Variants in C12orf42 observed in about 807,000 individuals in gnomAD.
The protein encoded by C12orf42 is uncharacterized protein C12orf42.
A neutral mutation model predicts 21.6 loss-of-function variants in C12orf42; 25 were observed. The observed-to-expected ratio is 1.16, with a 90% CI of 0.84 to 1.62. The LOEUF (loss-of-function observed/expected upper bound fraction) is 1.62, where lower values mean the gene tolerates loss of function less well. Among genes scored for constraint, C12orf42 ranks in the 40% most tolerant of loss-of-function variants. The pLI is 0.00. For synonymous variants in C12orf42, 174 were observed against 175.0 expected (o/e 0.99, Z 0.05); for missense variants, 483 against 459.3 (o/e 1.05, Z -0.47).
chr12:103,267,609 A>G (rs2035233927), downstream of C12orf42: 1 of 152,186 alleles, frequency 6.6e-6, no homozygotes, highest in East Asian at 1.9e-4. Context: ...TGTAACTTAC[A>G]AAACACTTCA....
At chr12:103,441,299 T>C (rs1467264387) in intron 2 of C12orf42, among the ~76,000 whole-genome samples, 2 of 152,206 alleles carry the variant, frequency 1.3e-5, no homozygotes, top group African/African-American at 4.8e-5. Flanking sequence ...GTAATACTAA[T>C]ACAAGTTCAA....
chr12:103,229,726 G>A, the C12orf42 span, among the ~76,000 whole-genome samples: 1 of 152,170 alleles, frequency 6.6e-6, no homozygotes, highest in Non-Finnish European at 1.5e-5. Flanking sequence ...TATGTAAATT[G>A]AATAATTCTA....
intron 1 of C12orf42, among the ~76,000 whole-genome samples, chr12:103,482,407 A>G (rs1954535527): frequency 6.6e-6 from 1 of 152,122 alleles, no homozygotes; most frequent in Admixed American, 6.5e-5. Flanking sequence ...TCTGTTGTAA[A>G]GATCGTAGTC....
intron 4 of C12orf42, among the ~76,000 whole-genome samples, chr12:103,341,112 C>CAA (rs34154888): frequency 0.032 from 1,482 of 46,160 alleles, 120 homozygotes; most frequent in African/African-American, 0.099. Context: ...GACTCTGTCT[C>CAA]AAAAAAAAAA....
chr12:103,382,499 C>A, intron 3 of C12orf42, among the ~76,000 whole-genome samples: 1 of 152,168 alleles, frequency 6.6e-6, no homozygotes, highest in African/African-American at 2.4e-5. Context: ...CTGGCCTTAG[C>A]CCATATGCTT....
At chr12:103,151,274 C>T in the C12orf42 span, among the ~76,000 whole-genome samples, 1 of 152,082 alleles carries the variant, frequency 6.6e-6, no homozygotes, top group South Asian at 2.1e-4. Flanking sequence ...ACCCAGATGG[C>T]TTCACCAATG....
At chr12:103,274,334 T>C (rs184390513) in intron 5 of C12orf42, among the ~76,000 whole-genome samples, 133 of 152,296 alleles carry the variant, frequency 8.7e-4, no homozygotes, top group Non-Finnish European at 6.9e-4. Flanking sequence ...CCAGATGAGA[T>C]GGTTAACTGT....
At chr12:103,171,002 T>C in the C12orf42 span, among the ~76,000 whole-genome samples, 1 of 152,138 alleles carries the variant, frequency 6.6e-6, no homozygotes, top group South Asian at 2.1e-4. Flanking sequence ...ATGTTATACT[T>C]GCTTTTTATG....
chr12:103,375,008 C>T (rs746241998), intron 3 of C12orf42, among the ~76,000 whole-genome samples: 1 of 152,120 alleles, frequency 6.6e-6, no homozygotes, highest in Non-Finnish European at 1.5e-5. Flanking sequence ...AACTTACAAC[C>T]CTTACAACTA....
the C12orf42 span, among the ~76,000 whole-genome samples, chr12:103,184,742 T>G: frequency 3.3e-5 from 4 of 120,808 alleles, no homozygotes; most frequent in Admixed American, 1.0e-4. Context: ...TATGTTAAAG[T>G]TCTCACCCCC....
At chr12:103,529,231 C>T in the C12orf42 span, among the ~76,000 whole-genome samples, 2 of 152,146 alleles carry the variant, frequency 1.3e-5, no homozygotes, top group African/African-American at 4.8e-5. Context: ...CCTTTGTGTT[C>T]ACTTATTTTA....
intron 2 of C12orf42, among the ~76,000 whole-genome samples, chr12:103,448,265 C>T (rs1435882963): frequency 6.6e-6 from 1 of 151,840 alleles, no homozygotes; most frequent in Non-Finnish European, 1.5e-5. Context: ...ACTGGATCCC[C>T]ACCTCTTACC....
the C12orf42 span, among the ~76,000 whole-genome samples, chr12:103,187,314 T>TA: frequency 7.9e-5 from 12 of 151,660 alleles, no homozygotes; most frequent in East Asian, 3.9e-4. Context: ...CCTTACAGAA[T>TA]AAAAAAAAAC....
At chr12:103,144,838 G>T in the C12orf42 span, among the ~76,000 whole-genome samples, 2 of 152,268 alleles carry the variant, frequency 1.3e-5, no homozygotes, top group African/African-American at 4.8e-5. Flanking sequence ...TGCTTGGGAT[G>T]ACTAGGCTTA....
the C12orf42 span, among the ~76,000 whole-genome samples, chr12:103,180,753 C>T: frequency 2.0e-5 from 3 of 149,924 alleles, no homozygotes; most frequent in South Asian, 2.1e-4. Flanking sequence ...CTCAGTCTCC[C>T]GAGTAGCTGG....
At chr12:103,112,922 C>A in the C12orf42 span, among the ~76,000 whole-genome samples, 2 of 152,184 alleles carry the variant, frequency 1.3e-5, no homozygotes, top group Non-Finnish European at 1.5e-5. Context: ...CTAATCACCT[C>A]ACCGTTTACT....
At chr12:103,345,948 C>A (rs2042585764) in intron 4 of C12orf42, among the ~76,000 whole-genome samples, 1 of 152,104 alleles carries the variant, frequency 6.6e-6, no homozygotes, top group Non-Finnish European at 1.5e-5. Context: ...ATGATAAGTG[C>A]ACAGTTATAA....
intron 2 of C12orf42, among the ~76,000 whole-genome samples, chr12:103,411,915 A>C (rs555755583): frequency 6.6e-6 from 1 of 152,332 alleles, no homozygotes; most frequent in South Asian, 2.1e-4. Flanking sequence ...AAATTGACTT[A>C]AAAAGTTTAT....
At chr12:103,134,816 C>T in the C12orf42 span, among the ~76,000 whole-genome samples, 1 of 152,114 alleles carries the variant, frequency 6.6e-6, no homozygotes, top group Admixed American at 6.5e-5. Flanking sequence ...AAATGATAGA[C>T]AGACTGTCAA....
Sources: gnomAD v4.1 joint callset for allele counts (sites outside exome capture counted in the v4.1 genomes callset) on GRCh38, gnomAD v4.1.1 for gene constraint, MANE v1.5 for transcripts, NCBI Gene and HGNC (gene_info 2026-07-23, HGNC 2026-07-21) for gene names.